CRY1: variants seen among roughly 807,000 people sequenced by gnomAD.
CRY1 encodes cryptochrome-1.
Under a neutral mutation model 76.0 loss-of-function variants are expected in CRY1, and 45 were observed. The ratio of observed to expected loss-of-function variants is 0.59; its 90% CI spans 0.47 to 0.76. CRY1 has a LOEUF of 0.76. Among genes scored for constraint, CRY1 ranks in the 30% least tolerant of loss-of-function variants. The pLI, the probability that CRY1 is intolerant of heterozygous loss-of-function variation, is 0.00. For missense variants in CRY1, 587 were observed against 716.4 expected, an observed-to-expected ratio of 0.82 and a Z score of 2.06; for synonymous variants, 248 against 244.0, an observed-to-expected ratio of 1.02 and a Z score of -0.15.
chr12:107,022,019 T>C, intron 2 of CRY1, 65 bp downstream of exon 2: 2 of 1,231,530 alleles, frequency 1.6e-6, no homozygotes, highest in Non-Finnish European at 2.3e-6. Context: ...TCAAAAAACT[T>C]TATTTACCAA....
At chr12:107,044,381 G>A (rs1952828631) in intron 1 of CRY1, among the ~76,000 whole-genome samples, 1 of 152,138 alleles carries the variant, frequency 6.6e-6, no homozygotes, top group Non-Finnish European at 1.5e-5. Context: ...CTACAGCCTA[G>A]GCTACTGAGG....
At chr12:107,024,721 T>C (rs116142128) in intron 1 of CRY1, among the ~76,000 whole-genome samples, 3 of 152,214 alleles carry the variant, frequency 2.0e-5, no homozygotes, top group African/African-American at 7.2e-5. Context: ...CAGAATGATA[T>C]GGACTAAAGT....
chr12:107,006,553 G>A (rs980365622), intron 2 of CRY1, among the ~76,000 whole-genome samples: 18 of 150,682 alleles, frequency 1.2e-4, no homozygotes, highest in African/African-American at 4.2e-4. Context: ...TTATGTACCA[G>A]AAAGACTGTA....
chr12:107,039,491 G>A (rs955008322), intron 1 of CRY1, among the ~76,000 whole-genome samples: 1 of 152,064 alleles, frequency 6.6e-6, no homozygotes. Flanking sequence ...AAAACAACCC[G>A]TTAAAAAATG....
At chr12:107,074,749 T>C (rs534701877) in intron 1 of CRY1, among the ~76,000 whole-genome samples, 6 of 152,342 alleles carry the variant, frequency 3.9e-5, no homozygotes, top group Admixed American at 3.3e-4. Context: ...GCTCGATGGC[T>C]CACGCCTGTA....
At chr12:107,010,938 C>T (rs1593500709) in intron 2 of CRY1, among the ~76,000 whole-genome samples, 1 of 152,150 alleles carries the variant, frequency 6.6e-6, no homozygotes, top group Admixed American at 6.5e-5. Context: ...TGAAATTAGG[C>T]CAGTTAGTAA....
chr12:107,047,999 T>C (rs1169312090), intron 1 of CRY1, among the ~76,000 whole-genome samples: 5 of 151,812 alleles, frequency 3.3e-5, no homozygotes, highest in Non-Finnish European at 7.4e-5. Flanking sequence ...GACAAACCAA[T>C]AGGTAGACTA....
In CRY1 at chr12:107,093,112, G is replaced by A; in HGVS notation, c.-151C>T. 1.1e-6 allele frequency: 1 copy of A among 945,842 alleles called. No individual in the cohort carries two copies. Among genetic ancestry groups the A allele is most frequent in the Admixed American group, 3.3e-5 (1 of 30,338 alleles). The allele number at this position is 945,842 out of a possible 1,614,324, so 58.6% of individuals were successfully genotyped here. On this transcript the variant is annotated 5_prime_UTR_variant, in exon 1 of 13. Transcript: ENST00000008527. ...ACAGGAAAAAATGACTCCGAGGAGG[G>A]GACCGGAGAAGGCGGGGGCGCCGGA...
chr12:107,079,290 G>T (rs1319126585), intron 1 of CRY1, among the ~76,000 whole-genome samples: 1 of 152,086 alleles, frequency 6.6e-6, no homozygotes, highest in African/African-American at 2.4e-5. Context: ...AGACTTCTGG[G>T]CCAAAGGTGT....
rs948392164 is a variant in CRY1, at chr12:106,992,815, G to T, written c.1733C>A (p.Pro578His). 4 of 1,613,694 alleles carry T rather than the reference G, an allele frequency of 2.5e-6. No homozygotes were observed. The highest frequency in any genetic ancestry group is 3.4e-6 in the Non-Finnish European group (4 of 1,179,862). The change falls in exon 12 of 13, where the codon CCT becomes CAT. Residue 578 changes from proline to histidine, a missense_variant. Coordinates refer to ENST00000008527, the MANE Select transcript of CRY1 (RefSeq NM_004075.5). ...ATTAGTGCTCTGTCTCTGGACTTTA[G>T]GACCAATACTCTGTGTGTCCTCTTC... Reference protein sequence around the residue: ...SQEEDTQSIGPKVQRQSTN With the variant: ...SQEEDTQSIGHKVQRQSTN
chr12:107,034,153 A>G (rs1008004992), intron 1 of CRY1, among the ~76,000 whole-genome samples: 4 of 151,902 alleles, frequency 2.6e-5, no homozygotes, highest in African/African-American at 9.7e-5. Context: ...AAACCCACCA[A>G]ACCAAGATGG....
chr12:107,084,383 A>C (rs1211494847), intron 1 of CRY1, among the ~76,000 whole-genome samples: 1 of 152,186 alleles, frequency 6.6e-6, no homozygotes, highest in East Asian at 1.9e-4. Flanking sequence ...AGACAATCCT[A>C]AGCAAAAAGA....
chr12:107,001,276 A>C lies in CRY1; in HGVS notation c.684+4T>G. The stretch of plus-strand genomic sequence containing the variant: ...GCATAGCTATATAATCTACATTATC[A>C]TACTTTTCTTTCCAAATGCCTTTCC... On this transcript the variant is annotated splice_donor_region_variant and intron_variant, in intron 5 of 12. Transcript: ENST00000008527. 1 of 1,607,824 alleles carries C rather than the reference A, an allele frequency of 6.2e-7. No individual in the cohort carries two copies. Among genetic ancestry groups the C allele is most frequent in the Non-Finnish European group, 8.5e-7 (1 of 1,175,006 alleles).
At chr12:107,080,630 C>T (rs1953310438) in intron 1 of CRY1, among the ~76,000 whole-genome samples, 1 of 150,366 alleles carries the variant, frequency 6.7e-6, no homozygotes, top group Admixed American at 6.6e-5. Context: ...AAGGTGTGGT[C>T]AAATGTGTCA....
In CRY1 at chr12:106,997,622, C is replaced by T; in HGVS notation, c.1358G>A (p.Gly453Asp). ...CAAACATTTGGCTACCTTTTGGATACCTTCTGGTGCATTCCAGGGATCATA... is the reference window on the plus strand; with the variant it reads ...CAAACATTTGGCTACCTTTTGGATATCTTCTGGTGCATTCCAGGGATCATA... ...YIYDPWNAPE[G>D]IQKVAKCLIG... The change falls in exon 9 of 13, where the codon GGT (glycine) becomes GAT (aspartate). Residue 453 changes from glycine (G) to aspartate (D), a missense_variant. Transcript: ENST00000008527. 1 of 1,614,084 alleles carries T rather than the reference C, an allele frequency of 6.2e-7. No individual in the cohort carries two copies. The highest frequency in any genetic ancestry group is 1.1e-5 in the South Asian group (1 of 91,076).
intron 2 of CRY1, among the ~76,000 whole-genome samples, chr12:107,017,019 AT>A (rs1952503875): frequency 6.6e-6 from 1 of 152,144 alleles, no homozygotes; most frequent in African/African-American, 2.4e-5. Context: ...CTCCTAACTG[AT>A]CTTTCTGCTT....
At chr12:107,048,923 T>A (rs901241109) in intron 1 of CRY1, among the ~76,000 whole-genome samples, 1 of 152,210 alleles carries the variant, frequency 6.6e-6, no homozygotes, top group Non-Finnish European at 1.5e-5. Flanking sequence ...ATTTTTTGTC[T>A]TTCAAAATGC....
intron 1 of CRY1, among the ~76,000 whole-genome samples, chr12:107,070,839 T>G (rs1023013033): frequency 1.3e-5 from 2 of 150,008 alleles, no homozygotes; most frequent in Non-Finnish European, 3.0e-5. Context: ...TAGCTGGGAC[T>G]ACAGGCACCT....
intron 1 of CRY1, among the ~76,000 whole-genome samples, chr12:107,062,786 A>C (rs1346111808): frequency 6.6e-6 from 1 of 152,208 alleles, no homozygotes; most frequent in African/African-American, 2.4e-5. Context: ...CATACGATAA[A>C]AGAATATTGT....
Sources: allele counts gnomAD v4.1 joint callset (sites outside exome capture counted in the v4.1 genomes callset), GRCh38; gene constraint gnomAD v4.1.1; transcripts MANE v1.5; gene names NCBI Gene and HGNC (gene_info 2026-07-23, HGNC 2026-07-21).